Variants in GAD2 observed in about 807,000 individuals in gnomAD.
The protein encoded by GAD2 is glutamate decarboxylase 2.
In GAD2, 22 loss-of-function variants were observed where a neutral mutation model predicts 80.1. The observed-to-expected ratio is 0.27, with a 90% CI of 0.20 to 0.39. GAD2 has a LOEUF of 0.39. Among genes scored for constraint, GAD2 ranks in the 10% least tolerant of loss-of-function variants. The pLI, the probability that GAD2 is intolerant of heterozygous loss-of-function variation, is 1.00. For synonymous variants in GAD2, 274 were observed against 256.9 expected, an observed-to-expected ratio of 1.07 and a Z score of -0.64; for missense variants, 624 against 738.4, an observed-to-expected ratio of 0.85 and a Z score of 1.80.
Position 26,270,626 on chromosome 10 carries a change from T to C in GAD2, c.976-14T>C. 1 of 1,588,032 alleles carries C rather than the reference T, an allele frequency of 6.3e-7. No individual in the cohort carries two copies. Among genetic ancestry groups the C allele is most frequent in the Non-Finnish European group, 8.6e-7 (1 of 1,156,244 alleles). On this transcript the variant is annotated splice_polypyrimidine_tract_variant and intron_variant, in intron 9 of 15. Coordinates refer to ENST00000376261, the MANE Select transcript of GAD2 (RefSeq NM_001134366.2). ...CTCTGTTTTCCATGATTTGGGGCTT[T>C]CTCGTTCGCACAGGGGTTTGTTCCT... is the stretch of plus-strand genomic sequence containing the variant.
rs1194209320 is a variant in GAD2 at position 26,224,668 on chromosome 10, C to T, written c.724+17C>T. 6.4e-7 allele frequency: 1 copy of T among 1,563,472 alleles called. No individual in the cohort carries two copies. Among genetic ancestry groups the T allele is most frequent in the Admixed American group, 1.7e-5 (1 of 58,954 alleles). Reference sequence around the variant, plus strand: ...TTTCTCCCGGTACATGATATTTCAACTTTCTTTGTGTTTTTTCTTCTAATA... The same window carrying T: ...TTTCTCCCGGTACATGATATTTCAATTTTCTTTGTGTTTTTTCTTCTAATA... On this transcript the variant is annotated intron_variant, in intron 6 of 15. Transcript: ENST00000376261.
At chr10:26,244,917 T>C (rs7900313) in intron 7 of GAD2, among the ~76,000 whole-genome samples, 4,011 of 152,136 alleles carry the variant, frequency 0.026, 190 homozygotes, top group African/African-American at 0.092. Flanking sequence ...TTTGGGAGGT[T>C]GAGGCAGGTG....
At chr10:26,297,507 C>T (rs1245052791) in intron 15 of GAD2, among the ~76,000 whole-genome samples, 1 of 152,200 alleles carries the variant, frequency 6.6e-6, no homozygotes, top group Non-Finnish European at 1.5e-5. Context: ...ATTATTAAGG[C>T]AGGCCCAAAG....
chr10:26,273,930 C>T (rs534652361), intron 11 of GAD2, among the ~76,000 whole-genome samples: 7 of 152,164 alleles, frequency 4.6e-5, no homozygotes, highest in African/African-American at 1.4e-4. Context: ...ACACATCAAG[C>T]GACCCAGGTA....
chr10:26,258,328 A>G (rs924746787), intron 8 of GAD2, among the ~76,000 whole-genome samples: 9 of 152,152 alleles, frequency 5.9e-5, no homozygotes, highest in Non-Finnish European at 1.3e-4. Flanking sequence ...TCAGAAGAGA[A>G]CCCTTAGTGT....
At chr10:26,227,264 T>C (rs1237060101) in intron 6 of GAD2, among the ~76,000 whole-genome samples, 1 of 152,196 alleles carries the variant, frequency 6.6e-6, no homozygotes, top group East Asian at 1.9e-4. Context: ...AAGTAGCACT[T>C]GCTTTTACAT....
chr10:26,247,911 A>C (rs1352476489), intron 8 of GAD2, among the ~76,000 whole-genome samples: 5 of 90,178 alleles, frequency 5.5e-5, no homozygotes, highest in Admixed American at 2.6e-4. Flanking sequence ...AAAAAAAAAA[A>C]AGGAAAAGAA....
chr10:26,292,473 C>A lies in GAD2; in HGVS notation c.1395C>A (p.Thr465=). The change falls in exon 14 of 16, where the codon ACC becomes ACA. Residue 465 remains threonine (T), a synonymous_variant. Coordinates refer to ENST00000376261, the MANE Select transcript of GAD2 (RefSeq NM_001134366.2). ...GTCCTTCTCTTACCTAGGGGACTAC[C>A]GGGTTTGAAGCGCATGTTGATAAAT... ...LWLMWRAKGT[T]GFEAHVDKCL... 1 of 1,613,438 alleles carries A rather than the reference C, an allele frequency of 6.2e-7. No homozygotes were observed. The highest frequency in any genetic ancestry group is 1.1e-5 in the South Asian group (1 of 91,042).
chr10:26,254,377 A>T (rs1038038452), intron 8 of GAD2, among the ~76,000 whole-genome samples: 1 of 152,208 alleles, frequency 6.6e-6, no homozygotes, highest in Non-Finnish European at 1.5e-5. Context: ...TCCTGCTCCT[A>T]TGAGAATCTA....
At chr10:26,287,658 G>A (rs902044505) in intron 13 of GAD2, among the ~76,000 whole-genome samples, 30 of 152,204 alleles carry the variant, frequency 2.0e-4, no homozygotes, top group African/African-American at 7.0e-4. Flanking sequence ...TTTGAGCAAG[G>A]TTGCCATTTT....
chr10:26,216,769 A>T (rs776576138), upstream of GAD2: 3 of 1,567,524 alleles, frequency 1.9e-6, no homozygotes, highest in South Asian at 3.4e-5. This position sits in a 1 kb window ranked among gnomAD's most constrained non-coding sequence, Gnocchi z 4.7. Flanking sequence ...GCTCGCCCGC[A>T]GCTCGCACTC....
intron 7 of GAD2, among the ~76,000 whole-genome samples, chr10:26,241,908 T>C (rs1273570058): frequency 6.6e-6 from 1 of 152,176 alleles, no homozygotes; most frequent in East Asian, 1.9e-4. Context: ...CAGCATTCTT[T>C]GCTAAAACAT....
At chr10:26,297,363 A>G (rs984163535) in intron 15 of GAD2, among the ~76,000 whole-genome samples, 5 of 152,208 alleles carry the variant, frequency 3.3e-5, no homozygotes, top group African/African-American at 9.6e-5. Context: ...TTTTAAGTTT[A>G]TTTCATAATG....
At chr10:26,223,244 CAAA>C (rs1844475883) in intron 4 of GAD2, among the ~76,000 whole-genome samples, 1 of 152,188 alleles carries the variant, frequency 6.6e-6, no homozygotes, top group Non-Finnish European at 1.5e-5. Flanking sequence ...TTATAATTAA[CAAA>C]GAAGAATTGA....
Position 26,216,774 on chromosome 10 carries a change from G to C in GAD2, c.-36G>C, listed in dbSNP as rs765359416. Reference sequence around the variant, plus strand: ...GCCCGAGGCAGCTCGCCCGCAGCTCGCACTCGCAGGCGACCTGCTCCAGTC... The same window carrying C: ...GCCCGAGGCAGCTCGCCCGCAGCTCCCACTCGCAGGCGACCTGCTCCAGTC... On this transcript the variant is annotated 5_prime_UTR_variant, in exon 1 of 16. Transcript: ENST00000376261. This position sits in a 1 kb window ranked among gnomAD's most constrained non-coding sequence, Gnocchi z 4.7. 15 of 1,579,940 alleles carry C rather than the reference G, an allele frequency of 9.5e-6. 1 individual carries two copies. In the South Asian group the frequency reaches 1.2e-4, roughly 13 times the overall value.
At chr10:26,281,109 G>A (rs1845266178) in intron 12 of GAD2, 22 bp downstream of exon 12, 1 of 1,555,500 alleles carries the variant, frequency 6.4e-7, no homozygotes, top group Non-Finnish European at 8.9e-7. Context: ...TTGACTCTGT[G>A]TCCCAGTCCG....
Position 26,292,929 on chromosome 10 carries a change from T to C in GAD2, c.1522T>C (p.Tyr508His). Residue 508 changes from tyrosine (Y) to histidine (H), a missense_variant, in exon 15 of 16, where the codon TAC (tyrosine) becomes CAC (histidine). Physicochemically the swap from Tyr to His is moderately conservative, Grantham distance 83. Transcript: ENST00000376261. ...KPQHTNVCFW[Y>H]IPPSLRTLED... ...TCAGCACACAAATGTCTGCTTCTGG[T>C]ACATTCCTCCAAGCTTGCGTACTCT... 6.2e-7 allele frequency: 1 copy of C among 1,614,000 alleles called. No homozygotes were observed. The highest frequency in any genetic ancestry group is 1.1e-5 in the South Asian group (1 of 91,084).
Position 26,216,879 on chromosome 10 carries a change from G to C in GAD2, c.70G>C (p.Gly24Arg), listed in dbSNP as rs766470128. The change falls in exon 1 of 16, where the codon GGC (glycine) becomes CGC (arginine). Residue 24 changes from glycine to arginine, a missense_variant. Transcript: ENST00000376261. This position sits in a 1 kb window ranked among gnomAD's most constrained non-coding sequence, Gnocchi z 4.7. ...TGGCTCTGGGGATTCCGAGAATCCC[G>C]GCACAGGTAGGAAGGAGAACGGGGG... ...EDGSGDSENP[G>R]TARAWCQVAQ... The C allele has an allele frequency of 9.9e-6, 16 of 1,610,514 alleles. No homozygotes were observed. The highest frequency in any genetic ancestry group is 2.2e-5 in the East Asian group (1 of 44,526).
At chr10:26,218,344 A>C in intron 3 of GAD2, 1 of 232,330 alleles carries the variant, frequency 4.3e-6, no homozygotes, top group Non-Finnish European at 8.2e-6. Flanking sequence ...CAGTTTCCAA[A>C]TACCGTGCCC....
Sources: allele counts gnomAD v4.1 joint callset (sites outside exome capture counted in the v4.1 genomes callset), GRCh38; gene constraint gnomAD v4.1.1; non-coding constraint Gnocchi (gnomAD v3.1); transcripts MANE v1.5; gene names NCBI Gene and HGNC (gene_info 2026-07-23, HGNC 2026-07-21).